Variants in PDE4D observed in about 807,000 individuals in gnomAD.
The protein encoded by PDE4D is 3',5'-cyclic-AMP phosphodiesterase 4D.
A neutral mutation model predicts 87.4 loss-of-function variants in PDE4D; 24 were observed. The observed-to-expected ratio is 0.27, with a 90% CI of 0.20 to 0.39. PDE4D has a LOEUF of 0.39. Among genes scored for constraint, PDE4D ranks in the 10% least tolerant of loss-of-function variants. The pLI is 1.00. For missense variants in PDE4D, 714 were observed against 1,041.0 expected (o/e 0.69, Z 4.32); for synonymous variants, 384 against 383.2 (o/e 1.00, Z -0.02).
chr5:59,366,029 G>A (rs1344834851), intron 1 of PDE4D, among the ~76,000 whole-genome samples: 4 of 152,086 alleles, frequency 2.6e-5, no homozygotes, highest in Non-Finnish European at 5.9e-5. Flanking sequence ...TCAAAAAGAG[G>A]CTTTTTCCCC....
intron 1 of PDE4D, among the ~76,000 whole-genome samples, chr5:59,818,698 T>C (rs1369530763): frequency 6.6e-6 from 1 of 152,162 alleles, no homozygotes; most frequent in East Asian, 1.9e-4. Flanking sequence ...GGCTTTCTCC[T>C]GATGGATCTT....
At chr5:59,546,237 A>G (rs937381662) in intron 1 of PDE4D, among the ~76,000 whole-genome samples, 3 of 152,252 alleles carry the variant, frequency 2.0e-5, no homozygotes, top group African/African-American at 7.2e-5. Context: ...AACAGTTTAG[A>G]TTATATTTAT....
At chr5:60,337,372 T>TACACACAC (rs1295111958) in intron 1 of PDE4D, among the ~76,000 whole-genome samples, 4 of 117,002 alleles carry the variant, frequency 3.4e-5, no homozygotes, top group African/African-American at 1.4e-4. Flanking sequence ...TATATATATA[T>TACACACAC]ATATATATAT....
chr5:59,694,507 C>T (rs58802762), intron 1 of PDE4D, among the ~76,000 whole-genome samples: 10,834 of 152,140 alleles, frequency 0.071, 494 homozygotes, highest in African/African-American at 0.13. Flanking sequence ...GTAAATTACA[C>T]GGTGGAGACA....
intron 1 of PDE4D, among the ~76,000 whole-genome samples, chr5:59,477,353 TAAA>T (rs35047246): frequency 0.011 from 983 of 88,302 alleles, 7 homozygotes; most frequent in African/African-American, 0.038. Flanking sequence ...TAGAGTATAA[TAAA>T]AAAAAAAAAA....
chr5:59,594,970 T>C (rs548113019), intron 1 of PDE4D, among the ~76,000 whole-genome samples: 46 of 152,220 alleles, frequency 3.0e-4, no homozygotes, highest in African/African-American at 1.1e-3. Flanking sequence ...TGGCTATGCA[T>C]GTGTGGGGGT....
chr5:59,551,484 C>CAT (rs1384352530), intron 1 of PDE4D, among the ~76,000 whole-genome samples: 7 of 151,460 alleles, frequency 4.6e-5, no homozygotes, highest in African/African-American at 1.7e-4. Context: ...CACACACACA[C>CAT]ACACACACAC....
At chr5:59,292,103 A>G (rs1768155033) in intron 1 of PDE4D, among the ~76,000 whole-genome samples, 1 of 152,090 alleles carries the variant, frequency 6.6e-6, no homozygotes, top group Non-Finnish European at 1.5e-5. Flanking sequence ...TTGTTATTCC[A>G]TATGGGGAAA....
At chr5:59,125,409 T>C in intron 5 of PDE4D, 1 of 355,800 alleles carries the variant, frequency 2.8e-6, no homozygotes, top group Non-Finnish European at 3.9e-6. Flanking sequence ...ACTGCCAACC[T>C]TATTTGCTAA....
intron 1 of PDE4D, among the ~76,000 whole-genome samples, chr5:59,767,476 CTT>C (rs879613137): frequency 3.5e-5 from 5 of 144,918 alleles, no homozygotes; most frequent in African/African-American, 5.0e-5. Flanking sequence ...GGTTTTTCTT[CTT>C]TTTTTTTTTT....
rs565602421 is a variant in PDE4D, at chr5:60,045,580, T to G, written c.43-56863A>C. On this transcript the variant is annotated intron_variant, in intron 2 of 16. Coordinates refer to the PDE4D transcript ENST00000502484. ...GGATCCAGTTTCAGCTTTCTACATA[T>G]GGCTAGCCAGTTTTCCCAGCACCAT... Among the ~76,000 whole-genome samples the G allele has an allele frequency of 1.9e-4, 29 of 152,344 alleles. No homozygotes were observed. The South Asian group carries it at 2.3e-3, about 12-fold the overall frequency.
chr5:59,405,464 T>C (rs760276022), intron 1 of PDE4D, among the ~76,000 whole-genome samples: 54 of 152,344 alleles, frequency 3.5e-4, no homozygotes, highest in Non-Finnish European at 7.5e-4. Flanking sequence ...CCAGTTCTAG[T>C]AGTGTTTTGG....
intron 1 of PDE4D, among the ~76,000 whole-genome samples, chr5:60,424,309 C>G (rs958405441): frequency 3.9e-5 from 6 of 152,154 alleles, no homozygotes; most frequent in African/African-American, 1.4e-4. Flanking sequence ...CTGAAACCAG[C>G]AGCACATCAA....
chr5:59,316,752 G>A (rs1400520528), intron 1 of PDE4D, among the ~76,000 whole-genome samples: 1 of 152,186 alleles, frequency 6.6e-6, no homozygotes, highest in African/African-American at 2.4e-5. Flanking sequence ...TTCACCAAAT[G>A]TAGTTGACAA....
chr5:60,045,786 T>C (rs1582349249), intron 2 of PDE4D, among the ~76,000 whole-genome samples: 2 of 152,220 alleles, frequency 1.3e-5, no homozygotes, highest in South Asian at 4.1e-4. Context: ...TAGTTTGAAG[T>C]CAAGTAGTGT....
intron 1 of PDE4D, among the ~76,000 whole-genome samples, chr5:59,555,479 A>G (rs1056516812): frequency 2.0e-5 from 3 of 152,152 alleles, no homozygotes; most frequent in South Asian, 2.1e-4. Context: ...AAATCTCCAT[A>G]TGTACCCCTG....
chr5:60,453,740 T>G (rs61379877), intron 1 of PDE4D, among the ~76,000 whole-genome samples: 2 of 151,978 alleles, frequency 1.3e-5, no homozygotes, highest in African/African-American at 4.8e-5. Context: ...CTTCTCCCGC[T>G]TTCTAACTTT....
intron 1 of PDE4D, among the ~76,000 whole-genome samples, chr5:59,321,713 G>C (rs17780584): frequency 0.064 from 9,715 of 152,190 alleles, 419 homozygotes; most frequent in South Asian, 0.12. Flanking sequence ...GTCACTGCTA[G>C]CAGCACAGAA....
At chr5:58,988,373 C>T in intron 11 of PDE4D, 120 bp downstream of exon 11, 1 of 428,322 alleles carries the variant, frequency 2.3e-6, no homozygotes, top group Admixed American at 4.1e-5. Flanking sequence ...CACTAAAACA[C>T]ATATATACAC....
Sources: gnomAD v4.1 joint callset for allele counts (sites outside exome capture counted in the v4.1 genomes callset) on GRCh38, gnomAD v4.1.1 for gene constraint, MANE v1.5 for transcripts, NCBI Gene and HGNC (gene_info 2026-07-23, HGNC 2026-07-21) for gene names.